POLK: variants seen among roughly 807,000 people sequenced by gnomAD.
The protein encoded by POLK is polymerase (DNA directed) kappa.
A neutral mutation model predicts 94.0 loss-of-function variants in POLK; 76 were observed. The ratio of observed to expected loss-of-function variants is 0.81; its 90% CI spans 0.67 to 0.98. The LOEUF is 0.98. Among genes scored for constraint, POLK ranks in the 50% least tolerant of loss-of-function variants. The pLI is 0.00. For missense variants in POLK, 954 were observed against 1,010.1 expected (o/e 0.94, Z 0.75); for synonymous variants, 349 against 325.4 (o/e 1.07, Z -0.78).
At chr5:75,552,382 C>T (rs1236258866) in intron 2 of POLK, 90 bp from the exon 3 acceptor site, 6 of 1,171,152 alleles carry the variant, frequency 5.1e-6, no homozygotes, top group Non-Finnish European at 7.1e-6. Context: ...CTTCTGTTTC[C>T]TGAGTATGTG....
chr5:75,544,373 G>A (rs561750948), intron 1 of POLK, among the ~76,000 whole-genome samples: 1 of 152,262 alleles, frequency 6.6e-6, no homozygotes, highest in Non-Finnish European at 1.5e-5. Flanking sequence ...AGAGCCAGGT[G>A]TGGTGGCTCA....
intron 1 of POLK, among the ~76,000 whole-genome samples, chr5:75,536,293 G>C (rs1252758791): frequency 6.6e-6 from 1 of 152,140 alleles, no homozygotes; most frequent in Admixed American, 6.5e-5. Flanking sequence ...CCTCAGTCAG[G>C]TTCCTCAGTT....
chr5:75,580,867 CTT>C (rs562476434), intron 6 of POLK, among the ~76,000 whole-genome samples: 5 of 139,054 alleles, frequency 3.6e-5, no homozygotes, highest in Admixed American at 2.9e-4. Context: ...AAAAGATTTC[CTT>C]TTTTTTTTTT....
chr5:75,561,482 T>G (rs1770973667), intron 3 of POLK, among the ~76,000 whole-genome samples: 1 of 152,248 alleles, frequency 6.6e-6, no homozygotes. Flanking sequence ...TGATAGTTTA[T>G]TCTGCTGTGC....
chr5:75,572,049 A>G (rs1187889541), intron 4 of POLK, among the ~76,000 whole-genome samples: 2 of 152,218 alleles, frequency 1.3e-5, no homozygotes, highest in Admixed American at 1.3e-4. Flanking sequence ...GAAAATTCAT[A>G]TTATTCTGAA....
At chr5:75,545,301 A>G (rs949050421) in intron 1 of POLK, among the ~76,000 whole-genome samples, 1 of 152,266 alleles carries the variant, frequency 6.6e-6, no homozygotes. Flanking sequence ...ATAAGTCACA[A>G]TCGTAATTTA....
chr5:75,569,309 A>G, intron 3 of POLK, 31 bp from the exon 4 acceptor site: 1 of 1,516,778 alleles, frequency 6.6e-7, no homozygotes, highest in South Asian at 1.2e-5. Context: ...TATGTTGTCT[A>G]AAAGTATGTT....
intron 1 of POLK, among the ~76,000 whole-genome samples, chr5:75,525,290 A>G (rs1321604816): frequency 6.6e-6 from 1 of 152,242 alleles, no homozygotes; most frequent in Non-Finnish European, 1.5e-5. Flanking sequence ...TTGTATCATT[A>G]TAAAGAAAGG....
intron 5 of POLK, 108 bp downstream of exon 5, chr5:75,573,977 T>A: frequency 9.8e-7 from 1 of 1,020,868 alleles, no homozygotes. Flanking sequence ...AGCTTATCCT[T>A]TCAGTTGAGC....
chr5:75,604,196 A>G (rs1215617691), downstream of POLK, among the ~76,000 whole-genome samples: 3 of 152,120 alleles, frequency 2.0e-5, no homozygotes, highest in African/African-American at 2.4e-5. Flanking sequence ...AGACAATTGC[A>G]TTTATTTCCC....
At chr5:75,541,206 G>T (rs200915188) in intron 1 of POLK, among the ~76,000 whole-genome samples, 1 of 152,046 alleles carries the variant, frequency 6.6e-6, no homozygotes, top group African/African-American at 2.4e-5. Flanking sequence ...CAGGAGAATC[G>T]CTTGAACCTG....
At chr5:75,592,665 A>T (rs1001134375) in intron 11 of POLK, among the ~76,000 whole-genome samples, 1 of 151,992 alleles carries the variant, frequency 6.6e-6, no homozygotes, top group Non-Finnish European at 1.5e-5. Flanking sequence ...ACTGCACTCC[A>T]GCCTGGGCAT....
chr5:75,569,374 G>A (rs1165916200), exon 4 of POLK: 37 of 1,611,736 alleles, frequency 2.3e-5, no homozygotes, highest in Non-Finnish European at 2.9e-5. Context: ...GAACAAAGCC[G>A]AAATTTGAGC....
intron 3 of POLK, among the ~76,000 whole-genome samples, chr5:75,559,504 TGTTTTTTTGTTTTGTTTTG>T (rs1770840756): frequency 6.8e-6 from 1 of 146,518 alleles, no homozygotes; most frequent in African/African-American, 2.5e-5. Flanking sequence ...ATTTGGGGTT[TGTTTTTTTGTTTTGTTTTG>T]TTTTTTTTTT....
intron 1 of POLK, among the ~76,000 whole-genome samples, chr5:75,532,393 G>T (rs143738610): frequency 2.0e-5 from 3 of 151,602 alleles, no homozygotes; most frequent in Admixed American, 2.0e-4. Flanking sequence ...CATCCATTTT[G>T]CCTCAAAGGA....
chr5:75,577,060 A>G, intron 6 of POLK, 127 bp downstream of exon 6: 1 of 488,774 alleles, frequency 2.0e-6, no homozygotes, highest in South Asian at 8.1e-5. Context: ...CCTTTATAAA[A>G]ATGTAAAATC....
chr5:75,545,909 G>A (rs1042925734), intron 1 of POLK, among the ~76,000 whole-genome samples: 6 of 152,116 alleles, frequency 3.9e-5, no homozygotes, highest in Admixed American at 3.3e-4. Context: ...TTTGTATGGC[G>A]AATAATATCT....
intron 10 of POLK, among the ~76,000 whole-genome samples, chr5:75,589,606 G>A (rs1262388869): frequency 6.6e-6 from 1 of 151,916 alleles, no homozygotes; most frequent in Non-Finnish European, 1.5e-5. Flanking sequence ...GCCCGTATAC[G>A]TGGAATATTT....
intron 1 of POLK, among the ~76,000 whole-genome samples, chr5:75,530,625 A>G (rs1261069294): frequency 6.6e-6 from 1 of 151,198 alleles, no homozygotes; most frequent in Non-Finnish European, 1.5e-5. Flanking sequence ...AAATACTATA[A>G]GAGCCAAATG....
Sources: allele counts gnomAD v4.1 joint callset (sites outside exome capture counted in the v4.1 genomes callset), GRCh38; gene constraint gnomAD v4.1.1; transcripts MANE v1.5; gene names NCBI Gene and HGNC (gene_info 2026-07-23, HGNC 2026-07-21).